The following CDK5RAP2 variants were observed in gnomAD, a reference collection of about 807,000 sequenced individuals.
The protein encoded by CDK5RAP2 is CDK5 regulatory subunit-associated protein 2.
Under a neutral mutation model 232.9 loss-of-function variants are expected in CDK5RAP2, and 147 were observed. The observed-to-expected ratio is 0.63, with a 90% CI of 0.55 to 0.72. The LOEUF (loss-of-function observed/expected upper bound fraction) is 0.72. Among genes scored for constraint, CDK5RAP2 ranks in the 30% least tolerant of loss-of-function variants. CDK5RAP2 has a pLI of 0.00. For missense variants in CDK5RAP2, 2,195 were observed against 2,231.5 expected (o/e 0.98, Z 0.33); for synonymous variants, 833 against 833.7 (o/e 1.00, Z 0.01).
At chr9:120,485,262 A>G (rs1435036753) in intron 14 of CDK5RAP2, among the ~76,000 whole-genome samples, 1 of 151,354 alleles carries the variant, frequency 6.6e-6, no homozygotes, top group Non-Finnish European at 1.5e-5. Context: ...TGTCCAATAA[A>G]TCTATAAACA....
intron 12 of CDK5RAP2, among the ~76,000 whole-genome samples, chr9:120,497,840 CCT>C (rs1178389667): frequency 6.6e-6 from 1 of 152,114 alleles, no homozygotes; most frequent in Non-Finnish European, 1.5e-5. Flanking sequence ...GTCTAAAACC[CCT>C]GTGGCCTTTG....
intron 12 of CDK5RAP2, among the ~76,000 whole-genome samples, chr9:120,515,533 T>C (rs1184002169): frequency 1.3e-5 from 2 of 152,222 alleles, no homozygotes; most frequent in African/African-American, 2.4e-5. Flanking sequence ...TTGTGTTCAA[T>C]AACACTGAAT....
At chr9:120,474,053 C>G (rs2037869346) in intron 15 of CDK5RAP2, among the ~76,000 whole-genome samples, 1 of 152,210 alleles carries the variant, frequency 6.6e-6, no homozygotes, top group Non-Finnish European at 1.5e-5. Flanking sequence ...CTCAAAATAG[C>G]ACGCCACCAC....
chr9:120,518,412 C>T lies in CDK5RAP2; in HGVS notation c.1311+15G>A, dbSNP rs755886513. 5.0e-6 allele frequency: 8 copies of T among 1,609,014 alleles called. No homozygotes were observed. The highest frequency in any genetic ancestry group is 6.0e-6 in the Non-Finnish European group (7 of 1,176,340). ...AGCACTGTCCACTGTGTCAGAAGGG[C>T]AGGGCGGTACTCACACGGATGGTGC... On this transcript the variant is annotated intron_variant, in intron 12 of 37. Coordinates refer to ENST00000349780, the MANE Select transcript of CDK5RAP2 (RefSeq NM_018249.6).
intron 12 of CDK5RAP2, chr9:120,517,674 A>G (rs189501044): frequency 2.6e-5 from 4 of 154,592 alleles, no homozygotes; most frequent in African/African-American, 9.6e-5. Flanking sequence ...GAGAAACCTG[A>G]TATAATCTTT....
intron 27 of CDK5RAP2, among the ~76,000 whole-genome samples, chr9:120,415,567 T>C (rs1221107360): frequency 6.6e-6 from 1 of 152,212 alleles, no homozygotes; most frequent in African/African-American, 2.4e-5. Context: ...TCCAGATATT[T>C]TCGAGACTAA....
At chr9:120,480,165 C>T (rs191320067) in intron 14 of CDK5RAP2, among the ~76,000 whole-genome samples, 4 of 152,290 alleles carry the variant, frequency 2.6e-5, no homozygotes, top group Admixed American at 2.0e-4. Flanking sequence ...ATGTTCAGTC[C>T]GTCAAGAAAT....
At chr9:120,569,981 T>C (rs183046158) in intron 2 of CDK5RAP2, among the ~76,000 whole-genome samples, 10 of 152,014 alleles carry the variant, frequency 6.6e-5, no homozygotes, top group African/African-American at 2.4e-4. Context: ...AAATACACAA[T>C]GTTGAGAGAG....
At chr9:120,410,302 ACGG>A (rs1451946119) in intron 29 of CDK5RAP2, among the ~76,000 whole-genome samples, 1 of 152,096 alleles carries the variant, frequency 6.6e-6, no homozygotes, top group Non-Finnish European at 1.5e-5. Flanking sequence ...CCCTTCCTGA[ACGG>A]CCTAGACTCT....
intron 7 of CDK5RAP2, among the ~76,000 whole-genome samples, chr9:120,531,501 G>A (rs1035877909): frequency 2.6e-5 from 4 of 152,142 alleles, no homozygotes; most frequent in African/African-American, 9.7e-5. Flanking sequence ...TGCCTCCTCA[G>A]CTACAAAATA....
At chr9:120,568,959 C>T (rs2042747041) in intron 2 of CDK5RAP2, among the ~76,000 whole-genome samples, 1 of 152,174 alleles carries the variant, frequency 6.6e-6, no homozygotes, top group Admixed American at 6.5e-5. Flanking sequence ...AAACTGCTGA[C>T]CTGTTTTAAA....
At chr9:120,516,937 G>A (rs116073243) in intron 12 of CDK5RAP2, among the ~76,000 whole-genome samples, 71 of 152,328 alleles carry the variant, frequency 4.7e-4, no homozygotes, top group African/African-American at 1.5e-3. Flanking sequence ...GTCAAAAGAT[G>A]TTCATTGTGT....
intron 12 of CDK5RAP2, 28 bp downstream of exon 12, chr9:120,518,399 T>C: frequency 1.3e-6 from 2 of 1,589,426 alleles, no homozygotes; most frequent in Non-Finnish European, 1.7e-6. Context: ...CACTGTCCAC[T>C]GTGTCAGAAG....
In CDK5RAP2 at chr9:120,403,115, C is replaced by T. The variant is rs952797418; in HGVS notation, c.5042-44G>A. The T allele has an allele frequency of 3.7e-6, 6 of 1,604,974 alleles. No homozygotes were observed. The highest frequency in any genetic ancestry group is 2.2e-5 in the East Asian group (1 of 44,852). ...GATGTAAAATCTGTTTCAGGTAACA[C>T]TCTGCGTTCAAGACGCTTATGATGT... On this transcript the variant is annotated intron_variant, in intron 33 of 37. Transcript: ENST00000349780. The surrounding 1 kb of genome is among the most constrained non-coding windows in gnomAD (Gnocchi z 4.2).
chr9:120,439,374 G>A lies in CDK5RAP2; in HGVS notation c.3722+25C>T, dbSNP rs778491572. On this transcript the variant is annotated intron_variant, in intron 24 of 37. Coordinates refer to ENST00000349780, the MANE Select transcript of CDK5RAP2 (RefSeq NM_018249.6). ...TACTGGGGGACTACAGGCTTAAACG[G>A]GGAGACGGCAGAGGTGGAACGTACC... The A allele has an allele frequency of 6.9e-6, 11 of 1,594,744 alleles. 1 individual carries two copies. The African/African-American group carries it at 1.5e-4, about 21-fold the overall frequency.
intron 14 of CDK5RAP2, among the ~76,000 whole-genome samples, chr9:120,482,414 TC>T (rs2038371376): frequency 6.6e-6 from 1 of 152,070 alleles, no homozygotes; most frequent in Non-Finnish European, 1.5e-5. Context: ...CCTCCTCCCT[TC>T]CTCCTACCCT....
chr9:120,428,713 T>C lies in CDK5RAP2; in HGVS notation c.3956-5972A>G, dbSNP rs1204843972. Among the ~76,000 whole-genome samples the C allele has an allele frequency of 6.6e-5, 10 of 152,268 alleles. No individual in the cohort carries two copies. In the East Asian group the frequency reaches 1.9e-3, roughly 29 times the overall value. On this transcript the variant is annotated intron_variant, in intron 25 of 37. Transcript: ENST00000349780. ...ACTGGTACCATTCCTTCTGAAACTA[T>C]TCCAATCAATAGAAAAAGAGGGAAT...
chr9:120,573,497 T>C (rs2042925846), intron 1 of CDK5RAP2, among the ~76,000 whole-genome samples: 1 of 149,904 alleles, frequency 6.7e-6, no homozygotes, highest in African/African-American at 2.5e-5. Flanking sequence ...TGAAGTGAGC[T>C]GAGATCATGC....
At chr9:120,453,342 G>A (rs1443594722) in intron 21 of CDK5RAP2, 114 bp downstream of exon 21, 1 of 950,980 alleles carries the variant, frequency 1.1e-6, no homozygotes, top group East Asian at 2.6e-5. Context: ...AGCAGAGGGA[G>A]ACACTGGACA....
Sources: gnomAD v4.1 joint callset for allele counts (sites outside exome capture counted in the v4.1 genomes callset) on GRCh38, gnomAD v4.1.1 for gene constraint, Gnocchi (gnomAD v3.1) non-coding constraint, MANE v1.5 for transcripts, NCBI Gene and HGNC (gene_info 2026-07-23, HGNC 2026-07-21) for gene names.